The following TTLL5 variants were observed in gnomAD, a reference collection of about 807,000 sequenced individuals.
The protein encoded by TTLL5 is tubulin tyrosine ligase like 5.
In TTLL5, 132 loss-of-function variants were observed where a neutral mutation model predicts 168.4. That is an observed-to-expected ratio of 0.78 (90% CI 0.68 to 0.91). The LOEUF (loss-of-function observed/expected upper bound fraction) is 0.91, where lower values mean the gene tolerates loss of function less well. TTLL5 is among the 40% of genes least tolerant of loss of function. The pLI is 0.00. For missense variants in TTLL5, 1,545 were observed against 1,581.5 expected (o/e 0.98, Z 0.39); for synonymous variants, 546 against 558.6 (o/e 0.98, Z 0.32).
At chr14:75,724,097 T>C (rs1359834991) in intron 12 of TTLL5, among the ~76,000 whole-genome samples, 6 of 151,816 alleles carry the variant, frequency 4.0e-5, no homozygotes, top group African/African-American at 1.2e-4. Context: ...AGAGCATTGG[T>C]GCTTTTAGGG....
chr14:75,770,088 G>A (rs1396601590), intron 20 of TTLL5, among the ~76,000 whole-genome samples: 1 of 138,894 alleles, frequency 7.2e-6, no homozygotes, highest in African/African-American at 2.7e-5. Context: ...TGAGGCAGGA[G>A]AATCGCTTGA....
chr14:75,703,491 A>G (rs532839733), intron 7 of TTLL5, among the ~76,000 whole-genome samples: 5 of 152,336 alleles, frequency 3.3e-5, no homozygotes, highest in Admixed American at 6.5e-5. Flanking sequence ...TAAAGGAACA[A>G]AGCTGTGTTT....
At chr14:75,925,230 G>T (rs1388286408) in intron 31 of TTLL5, among the ~76,000 whole-genome samples, 13 of 150,554 alleles carry the variant, frequency 8.6e-5, no homozygotes, top group Non-Finnish European at 1.9e-4. Flanking sequence ...TGGCCTGGCG[G>T]GGGCTGACCC....
At chr14:75,926,796 A>G (rs2034086595) in intron 31 of TTLL5, among the ~76,000 whole-genome samples, 1 of 152,234 alleles carries the variant, frequency 6.6e-6, no homozygotes, top group Non-Finnish European at 1.5e-5. Flanking sequence ...ATGACCTTAC[A>G]GTTCCACTCC....
At chr14:75,793,951 G>C (rs1417495518) in intron 27 of TTLL5, among the ~76,000 whole-genome samples, 1 of 152,138 alleles carries the variant, frequency 6.6e-6, no homozygotes, top group Non-Finnish European at 1.5e-5. Context: ...TGATAATCAA[G>C]TCTCGAAAAA....
At chr14:75,884,420 A>C (rs1023395585) in intron 30 of TTLL5, among the ~76,000 whole-genome samples, 1 of 152,174 alleles carries the variant, frequency 6.6e-6, no homozygotes, top group Non-Finnish European at 1.5e-5. Flanking sequence ...CCCTGAACTC[A>C]CTGCTGGCAG....
intron 28 of TTLL5, among the ~76,000 whole-genome samples, chr14:75,857,287 G>GGTGAATT (rs1897178253): frequency 1.3e-5 from 2 of 152,042 alleles, no homozygotes; most frequent in Non-Finnish European, 2.9e-5. Flanking sequence ...TGAATTATAT[G>GGTGAATT]ATAGATTTTT....
rs141359185 is a variant in TTLL5 at position 75,882,828 on chromosome 14, C to A, written c.3666C>A (p.Cys1222Ter). The A allele has an allele frequency of 1.9e-6, 3 of 1,614,142 alleles. No homozygotes were observed. The East Asian group carries it at 6.7e-5, about 36-fold the overall frequency. The change falls in exon 30 of 32, where the codon TGC (cysteine) becomes TGA (stop). Residue 1222 changes from cysteine (C) to a stop codon, truncating the protein, a stop_gained. Transcript: ENST00000298832. LOFTEE classifies it high-confidence loss of function. ...AAGTGGTACCACCTCCAAGTTCTTG[C>A]GCCTCCCTGGTTCCCAAACCCCCAC... The part of the protein sequence containing the change: ...PQKVVPPPSS[C>*]ASLVPKPPPN...
At chr14:75,772,045 T>A (rs1288518555) in intron 21 of TTLL5, among the ~76,000 whole-genome samples, 191 bp downstream of exon 21, 1 of 152,174 alleles carries the variant, frequency 6.6e-6, no homozygotes, top group African/African-American at 2.4e-5. Context: ...TATACTTCAA[T>A]GTGAAGCAAA....
chr14:75,904,630 A>G (rs1201314290), intron 31 of TTLL5, among the ~76,000 whole-genome samples: 1 of 152,090 alleles, frequency 6.6e-6, no homozygotes, highest in Non-Finnish European at 1.5e-5. Context: ...TCAGTATGAA[A>G]CCACAGAGCA....
intron 12 of TTLL5, among the ~76,000 whole-genome samples, chr14:75,726,613 G>T (rs549317669): frequency 1.1e-3 from 171 of 152,124 alleles, no homozygotes; most frequent in Non-Finnish European, 1.9e-3. Context: ...GTGCCTAGGG[G>T]ATCCACAGAA....
At chr14:75,933,034 TTAAG>T (rs1025121382) in intron 31 of TTLL5, among the ~76,000 whole-genome samples, 1 of 152,086 alleles carries the variant, frequency 6.6e-6, no homozygotes, top group Non-Finnish European at 1.5e-5. Flanking sequence ...AGAGAAAAGT[TTAAG>T]TAGCCCCAAT....
intron 5 of TTLL5, among the ~76,000 whole-genome samples, chr14:75,688,856 C>T (rs957534136): frequency 2.6e-5 from 4 of 152,084 alleles, no homozygotes; most frequent in Non-Finnish European, 5.9e-5. Context: ...GCAGGAGAAA[C>T]GGAGCTTGTT....
intron 19 of TTLL5, among the ~76,000 whole-genome samples, chr14:75,765,697 TACAAAAAATACAAAAATTAGCTG>T (rs1890928474): frequency 6.6e-6 from 1 of 151,972 alleles, no homozygotes; most frequent in South Asian, 2.1e-4. Flanking sequence ...ATCCTGTCTC[TACAAAAAATACAAAAATTAGCTG>T]GGTATGGTAA....
chr14:75,725,078 C>T (rs1043781530), intron 12 of TTLL5, among the ~76,000 whole-genome samples: 3 of 152,166 alleles, frequency 2.0e-5, no homozygotes, highest in African/African-American at 7.2e-5. Context: ...TGGACTTGTT[C>T]TGATCAGAGC....
chr14:75,802,306 A>G (rs1239565980), intron 27 of TTLL5, among the ~76,000 whole-genome samples: 1 of 152,010 alleles, frequency 6.6e-6, no homozygotes, highest in African/African-American at 2.4e-5. Context: ...TTTTCACTAT[A>G]TAAAAGCTAT....
intron 28 of TTLL5, among the ~76,000 whole-genome samples, chr14:75,821,232 C>T (rs1894812401): frequency 6.6e-6 from 1 of 152,166 alleles, no homozygotes; most frequent in Non-Finnish European, 1.5e-5. Flanking sequence ...GTCTTTCATA[C>T]CGGTGATCAT....
At chr14:75,728,030 A>T (rs1298500152) in intron 12 of TTLL5, among the ~76,000 whole-genome samples, 1 of 152,184 alleles carries the variant, frequency 6.6e-6, no homozygotes, top group African/African-American at 2.4e-5. Context: ...ATTATACCTC[A>T]AAAGGGAATA....
chr14:75,845,228 T>C (rs1896480014), intron 28 of TTLL5, among the ~76,000 whole-genome samples: 1 of 152,142 alleles, frequency 6.6e-6, no homozygotes, highest in Admixed American at 6.5e-5. Context: ...TTTAAAAAAG[T>C]GTACACCTAT....
Sources: gnomAD v4.1 joint callset for allele counts (sites outside exome capture counted in the v4.1 genomes callset) on GRCh38, gnomAD v4.1.1 for gene constraint, MANE v1.5 for transcripts, NCBI Gene and HGNC (gene_info 2026-07-23, HGNC 2026-07-21) for gene names.